ASPM: variants seen among roughly 807,000 people sequenced by gnomAD.
The protein encoded by ASPM is abnormal spindle-like microcephaly-associated protein.
In ASPM, 256 loss-of-function variants were observed where a neutral mutation model predicts 366.4. That is an observed-to-expected ratio of 0.70 (90% CI 0.63 to 0.77). The LOEUF (loss-of-function observed/expected upper bound fraction) is 0.77, where lower values mean the gene tolerates loss of function less well. Ranked by LOEUF, ASPM falls within the 30% of genes least tolerant of loss-of-function variation. ASPM has a pLI of 0.00. For synonymous variants in ASPM, 1,414 were observed against 1,342.9 expected (o/e 1.05, Z -1.16); for missense variants, 4,146 against 4,090.4 (o/e 1.01, Z -0.37).
intron 18 of ASPM, 64 bp from the exon 19 acceptor site, chr1:197,096,228 A>C (rs555760538): frequency 8.9e-6 from 12 of 1,355,878 alleles, no homozygotes; most frequent in East Asian, 4.6e-5. Context: ...TAAATAAGAC[A>C]AATCAGTATA....
intron 17 of ASPM, among the ~76,000 whole-genome samples, chr1:197,109,965 G>A (rs1013134848): frequency 1.3e-5 from 2 of 152,036 alleles, no homozygotes; most frequent in African/African-American, 4.8e-5. Flanking sequence ...TCACCTTTAT[G>A]AATCAGAATA....
chr1:197,135,300 T>C, intron 4 of ASPM, 58 bp from the exon 5 acceptor site: 4 of 1,529,460 alleles, frequency 2.6e-6, no homozygotes, highest in South Asian at 1.1e-5. Context: ...TTGTACAATA[T>C]ACAGCAAAAG....
rs752277088 is a variant in ASPM at position 197,103,424 on chromosome 1, C to A, written c.5827G>T (p.Glu1943Ter). 6.2e-7 allele frequency: 1 copy of A among 1,613,196 alleles called. No homozygotes were observed. Among genetic ancestry groups the A allele is most frequent in the African/African-American group, 1.3e-5 (1 of 74,934 alleles). The change falls in exon 18 of 28, where the codon GAG becomes TAG. Residue 1943 changes from glutamate (E) to a stop codon, truncating the protein, a stop_gained. Coordinates refer to ENST00000367409, the MANE Select transcript of ASPM (RefSeq NM_018136.5). LOFTEE classifies it high-confidence loss of function. ...ACCGCATGACGGAGTTCAATATACT[C>A]CATACATTGCTTCCTTCCTGCAGTC... is the stretch of plus-strand genomic sequence containing the variant. ...AWTAGRKQCM[E>*]YIELRHAVLV...
chr1:197,134,425 G>GA (rs11424697), intron 5 of ASPM, among the ~76,000 whole-genome samples: 130,274 of 151,460 alleles, frequency 0.86, 56,602 homozygotes, highest in East Asian at 0.97. Flanking sequence ...CAGCAAAAAA[G>GA]AAAAAAAATC....
At chr1:197,118,163 G>A (rs1270413037) in intron 16 of ASPM, among the ~76,000 whole-genome samples, 180 bp from the exon 17 acceptor site, 1 of 152,094 alleles carries the variant, frequency 6.6e-6, no homozygotes, top group Non-Finnish European at 1.5e-5. Flanking sequence ...AGCGCTGATA[G>A]GTGGGCTTGC....
At position 197,100,524 on chromosome 1, in the gene ASPM, G is replaced by T. The variant is rs1657117964; in HGVS notation, c.8727C>A (p.Ile2909=). ...AKHQRQVYLQ[I]RSSVIIIQAR... Reference sequence around the variant, plus strand: ...CTTGAATAATGATAACACTGCTTCTGATCTGTAAATAGACTTGTCTTTGAT... The same window carrying T: ...CTTGAATAATGATAACACTGCTTCTTATCTGTAAATAGACTTGTCTTTGAT... The change falls in exon 18 of 28, where the codon ATC becomes ATA. Residue 2909 remains isoleucine (I), a synonymous_variant. Transcript: ENST00000367409. 6.2e-7 allele frequency: 1 copy of T among 1,610,902 alleles called. No homozygotes were observed. Among genetic ancestry groups the T allele is most frequent in the African/African-American group, 1.3e-5 (1 of 74,692 alleles).
At chr1:197,132,789 T>C (rs1467304917) in intron 6 of ASPM, among the ~76,000 whole-genome samples, 4 of 150,656 alleles carry the variant, frequency 2.7e-5, no homozygotes, top group African/African-American at 4.9e-5. Context: ...AATGAAGTAC[T>C]ATTCAGTCTT....
intron 5 of ASPM, among the ~76,000 whole-genome samples, chr1:197,133,856 C>T (rs1337964826): frequency 2.0e-5 from 3 of 152,124 alleles, no homozygotes; most frequent in Non-Finnish European, 4.4e-5. Flanking sequence ...GAATTAACTT[C>T]CTCACTGGTT....
At chr1:197,137,142 A>C (rs1467902529) in intron 4 of ASPM, among the ~76,000 whole-genome samples, 2 of 152,226 alleles carry the variant, frequency 1.3e-5, no homozygotes, top group Non-Finnish European at 1.5e-5. Context: ...TGAAAGAATG[A>C]GAAGATAAAG....
At position 197,135,111 on chromosome 1, in the gene ASPM, T is replaced by A. The variant is rs1266631081; in HGVS notation, c.2158A>T (p.Thr720Ser). 1 of 1,595,134 alleles carries A rather than the reference T, an allele frequency of 6.3e-7. No homozygotes were observed. Among genetic ancestry groups the A allele is most frequent in the African/African-American group, 1.3e-5 (1 of 74,626 alleles). ...TAACGTTTACCTTCAGAAATATTTG[T>A]TTTTACAGTGAAGTCATCAGGGGTT... ...ILTPDDFTVK[T>S]NISEVNAATL... Residue 720 changes from threonine to serine, a missense_variant, in exon 5 of 28, where the codon ACA becomes TCA. By Grantham distance (58) the Thr-to-Ser change is moderately conservative (BLOSUM62 1). Coordinates refer to ENST00000367409, the MANE Select transcript of ASPM (RefSeq NM_018136.5).
intron 18 of ASPM, among the ~76,000 whole-genome samples, chr1:197,097,685 C>CA (rs1302332509): frequency 6.6e-6 from 1 of 151,578 alleles, no homozygotes; most frequent in East Asian, 1.9e-4. Flanking sequence ...CAGTCTTAAT[C>CA]AGTGGTAGAA....
intron 27 of ASPM, among the ~76,000 whole-genome samples, chr1:197,084,747 CG>C (rs1656534430): frequency 6.6e-6 from 1 of 152,150 alleles, no homozygotes; most frequent in East Asian, 1.9e-4. Flanking sequence ...CTACTGTCAC[CG>C]TTCTCAGCAA....
Position 197,095,992 on chromosome 1 carries a change from C to CT in ASPM, c.8987+5_8987+6insA. The CT allele has an allele frequency of 6.2e-7, 1 of 1,602,344 alleles. No homozygotes were observed. The highest frequency in any genetic ancestry group is 2.2e-5 in the East Asian group (1 of 44,696). ...TTACACTCTCCACAGAACTATGATA[C>CT]ATTACCGTGTTCTCTCTAGTTTGGT... On this transcript the variant is annotated splice_donor_region_variant and intron_variant, in intron 19 of 27. Transcript: ENST00000367409.
At position 197,100,527 on chromosome 1, in the gene ASPM, C is replaced by T. The variant is rs1558327779; in HGVS notation, c.8724G>A (p.Gln2908=). The change falls in exon 18 of 28, where the codon CAG becomes CAA. Residue 2908 remains glutamine (Q), a synonymous_variant. Transcript: ENST00000367409. ...GAATAATGATAACACTGCTTCTGAT[C>T]TGTAAATAGACTTGTCTTTGATGTT... ...SAKHQRQVYL[Q]IRSSVIIIQA... is the part of the protein sequence containing the mutation. 2 of 1,611,226 alleles carry T rather than the reference C, an allele frequency of 1.2e-6. No individual in the cohort carries two copies. Among genetic ancestry groups the T allele is most frequent in the Non-Finnish European group, 1.7e-6 (2 of 1,178,286 alleles).
intron 17 of ASPM, among the ~76,000 whole-genome samples, chr1:197,108,083 T>C (rs1469485130): frequency 6.6e-6 from 1 of 152,062 alleles, no homozygotes. Context: ...CTGGTCATAA[T>C]GGAATTGAAG....
chr1:197,138,892 G>T, intron 4 of ASPM: 2 of 932,730 alleles, frequency 2.1e-6, no homozygotes, highest in Non-Finnish European at 1.7e-6. Flanking sequence ...ATCTCCTCCT[G>T]TTGAATCATT....
At chr1:197,123,740 A>T (rs1340852403) in intron 13 of ASPM, among the ~76,000 whole-genome samples, 1 of 152,164 alleles carries the variant, frequency 6.6e-6, no homozygotes, top group East Asian at 1.9e-4. Flanking sequence ...GAGAGACTCA[A>T]ATTTTGTTCT....
Position 197,100,980 on chromosome 1 carries a change from T to G in ASPM, c.8271A>C (p.Lys2757Asn). The change falls in exon 18 of 28, where the codon AAA (lysine) becomes AAC (asparagine). Residue 2757 changes from lysine (K) to asparagine (N), a missense_variant. Coordinates refer to ENST00000367409, the MANE Select transcript of ASPM (RefSeq NM_018136.5). ...AAFRGMKVRQ[K>N]LKNVSEEKMA... ...TCTTTTCCTCTGATACATTTTTCAA[T>G]TTTTGTCTAACTTTCATGCCTCTAA... 1.9e-6 allele frequency: 3 copies of G among 1,612,582 alleles called. No homozygotes were observed. The highest frequency in any genetic ancestry group is 2.5e-6 in the Non-Finnish European group (3 of 1,179,140).
Position 197,084,144 on chromosome 1 carries a change from AGTTT to A in ASPM, c.*176_*179del. 1.7e-6 allele frequency: 1 copy of A among 598,258 alleles called. No homozygotes were observed. The highest frequency in any genetic ancestry group is 3.0e-6 in the Non-Finnish European group (1 of 338,942). 37.1% of individuals were successfully genotyped at this position (598,258 alleles called of 1,614,324 possible). A position where few individuals can be genotyped will look rare whatever the true frequency, so the allele number is the denominator to read the frequency against. ...TAATATAATCATCTTATGACATATTAGTTTATTACATGCATAAAACTATAAATGA... is the reference window on the plus strand; with the variant it reads ...TAATATAATCATCTTATGACATATTAATTACATGCATAAAACTATAAATGA... On this transcript the variant is annotated 3_prime_UTR_variant, in exon 28 of 28. Coordinates refer to ENST00000367409, the MANE Select transcript of ASPM (RefSeq NM_018136.5).
Sources: gnomAD v4.1 joint callset for allele counts (sites outside exome capture counted in the v4.1 genomes callset) on GRCh38, gnomAD v4.1.1 for gene constraint, MANE v1.5 for transcripts, NCBI Gene and HGNC (gene_info 2026-07-23, HGNC 2026-07-21) for gene names.